Variants in XKR9 observed in about 807,000 individuals in gnomAD.
XKR9 encodes XK related 9.
In XKR9, 32 loss-of-function variants were observed where a neutral mutation model predicts 32.0. The ratio of observed to expected loss-of-function variants is 1.00; its 90% confidence interval spans 0.76 to 1.34. The LOEUF is 1.34. Ranked by LOEUF, XKR9 falls within the 40% of genes most tolerant of loss-of-function variation. The pLI is 0.00. For missense variants in XKR9, 546 were observed against 429.7 expected, an observed-to-expected ratio of 1.27 and a Z score of -2.39; for synonymous variants, 168 against 143.4, an observed-to-expected ratio of 1.17 and a Z score of -1.22.
At chr8:70,938,295 C>T in the XKR9 span, among the ~76,000 whole-genome samples, 1 of 151,664 alleles carries the variant, frequency 6.6e-6, no homozygotes, top group African/African-American at 2.4e-5. Context: ...GTGTATTTAG[C>T]AGTCATACTT....
chr8:70,679,204 T>A, intron 2 of XKR9, among the ~76,000 whole-genome samples: 1 of 152,150 alleles, frequency 6.6e-6, no homozygotes, highest in East Asian at 1.9e-4. Context: ...TTTAAGATCA[T>A]ACCACAGTAC....
At chr8:70,963,014 G>T in the XKR9 span, among the ~76,000 whole-genome samples, 2 of 152,058 alleles carry the variant, frequency 1.3e-5, no homozygotes, top group African/African-American at 4.8e-5. Context: ...AAGGTGTGCA[G>T]GTTTGTTACA....
At chr8:70,737,335 C>T (rs1218531672), downstream of XKR9, among the ~76,000 whole-genome samples, 6 of 145,466 alleles carry the variant, frequency 4.1e-5, no homozygotes, top group Non-Finnish European at 7.6e-5. Context: ...TGAGACTTTG[C>T]CGAAGTTGCT....
chr8:70,987,269 C>T, the XKR9 span, among the ~76,000 whole-genome samples: 1 of 152,200 alleles, frequency 6.6e-6, no homozygotes, highest in Non-Finnish European at 1.5e-5. Flanking sequence ...AGTGTTAACT[C>T]AAAAGTCCAC....
chr8:70,787,962 T>C (rs1807710486), intron 2 of XKR9, among the ~76,000 whole-genome samples: 1 of 152,080 alleles, frequency 6.6e-6, no homozygotes, highest in Non-Finnish European at 1.5e-5. Context: ...ATAGTATCAT[T>C]TGTGACTAAC....
chr8:71,059,620 A>G, the XKR9 span, among the ~76,000 whole-genome samples: 2 of 152,188 alleles, frequency 1.3e-5, no homozygotes, highest in African/African-American at 4.8e-5. Context: ...TGTGCCTAGA[A>G]ACTGATTAAA....
the XKR9 span, among the ~76,000 whole-genome samples, chr8:70,818,016 G>A: frequency 6.6e-6 from 1 of 152,122 alleles, no homozygotes; most frequent in African/African-American, 2.4e-5. Context: ...CATTCTAGAA[G>A]AAAACCTATG....
the XKR9 span, among the ~76,000 whole-genome samples, chr8:70,976,953 A>G: frequency 0.06 from 9,065 of 152,026 alleles, 381 homozygotes; most frequent in Non-Finnish European, 0.084. Flanking sequence ...TTGGGAGGGT[A>G]TATGTGTCCA....
At chr8:70,808,947 G>A in the XKR9 span, among the ~76,000 whole-genome samples, 1 of 152,218 alleles carries the variant, frequency 6.6e-6, no homozygotes, top group African/African-American at 2.4e-5. Flanking sequence ...GAAGAGAGTA[G>A]TGGTTCTCCC....
chr8:70,733,117 A>G (rs1357752202), intron 4 of XKR9, among the ~76,000 whole-genome samples: 1 of 152,212 alleles, frequency 6.6e-6, no homozygotes, highest in Non-Finnish European at 1.5e-5. Flanking sequence ...AAAAAGAAGG[A>G]AAGAAATAAA....
At chr8:70,912,691 T>C in the XKR9 span, among the ~76,000 whole-genome samples, 4 of 152,108 alleles carry the variant, frequency 2.6e-5, no homozygotes, top group African/African-American at 7.2e-5. Flanking sequence ...GGTCATTATA[T>C]TGACGATAGT....
chr8:70,751,641 G>A (rs1269314003), intron 2 of XKR9, among the ~76,000 whole-genome samples: 1 of 152,158 alleles, frequency 6.6e-6, no homozygotes, highest in Non-Finnish European at 1.5e-5. Flanking sequence ...GAGGAAAGGT[G>A]ATTTGCCGTT....
chr8:70,697,717 T>G (rs1222051158), intron 3 of XKR9, among the ~76,000 whole-genome samples: 2 of 151,848 alleles, frequency 1.3e-5, no homozygotes, highest in Non-Finnish European at 2.9e-5. Context: ...TTAGGGAGGA[T>G]TCCCTCTTTT....
intron 2 of XKR9, among the ~76,000 whole-genome samples, chr8:70,781,964 G>A (rs1807623286): frequency 6.6e-6 from 1 of 152,192 alleles, no homozygotes. Context: ...CCCTTGGTAT[G>A]TGGTTAGAAC....
the XKR9 span, among the ~76,000 whole-genome samples, chr8:70,800,745 C>T: frequency 8.5e-5 from 13 of 152,230 alleles, no homozygotes; most frequent in East Asian, 7.7e-4. Flanking sequence ...CTCAGCCTCC[C>T]GAAGTGCTGG....
At chr8:71,043,400 T>G in the XKR9 span, among the ~76,000 whole-genome samples, 2 of 152,194 alleles carry the variant, frequency 1.3e-5, no homozygotes, top group Non-Finnish European at 2.9e-5. Context: ...TCCTTCTTTG[T>G]AAGTAAACAT....
intron 2 of XKR9, among the ~76,000 whole-genome samples, chr8:70,782,992 C>T (rs139922711): frequency 1.3e-5 from 2 of 152,044 alleles, no homozygotes; most frequent in Admixed American, 1.3e-4. Context: ...TTTTGAGAAA[C>T]CATACAGTTT....
intron 2 of XKR9, among the ~76,000 whole-genome samples, chr8:70,761,220 A>G (rs1424312854): frequency 2.0e-5 from 3 of 152,214 alleles, no homozygotes; most frequent in African/African-American, 4.8e-5. Flanking sequence ...TAATTTGGGT[A>G]TATACCCAGT....
the XKR9 span, among the ~76,000 whole-genome samples, chr8:70,823,877 G>A: frequency 3.9e-5 from 6 of 152,200 alleles, no homozygotes; most frequent in East Asian, 5.8e-4. Flanking sequence ...AAGGAAAGGC[G>A]CTAGCAACAC....
Sources: allele counts gnomAD v4.1 joint callset (sites outside exome capture counted in the v4.1 genomes callset), GRCh38; gene constraint gnomAD v4.1.1; transcripts MANE v1.5; gene names NCBI Gene and HGNC (gene_info 2026-07-23, HGNC 2026-07-21).